NRG1: variants seen among roughly 807,000 people sequenced by gnomAD.
The protein encoded by NRG1 is pro-neuregulin-1, membrane-bound isoform.
NRG1 carries 18 observed loss-of-function variants against 63.8 expected under a neutral mutation model. That is an observed-to-expected ratio of 0.28 (90% CI 0.19 to 0.42). The LOEUF (loss-of-function observed/expected upper bound fraction) is 0.42, where lower values mean the gene tolerates loss of function less well. NRG1 is among the 10% of genes least tolerant of loss of function. The pLI is 1.00. For missense variants in NRG1, 762 were observed against 814.7 expected, an observed-to-expected ratio of 0.94 and a Z score of 0.79; for synonymous variants, 302 against 301.3, an observed-to-expected ratio of 1.00 and a Z score of -0.02.
At chr8:31,894,100 A>G (rs1329245430) in intron 1 of NRG1, among the ~76,000 whole-genome samples, 1 of 152,180 alleles carries the variant, frequency 6.6e-6, no homozygotes, top group African/African-American at 2.4e-5. Context: ...AGATTCTGAT[A>G]TAGATAAACA....
intron 1 of NRG1, among the ~76,000 whole-genome samples, chr8:32,473,317 T>C (rs1824079957): frequency 6.6e-6 from 1 of 152,340 alleles, no homozygotes; most frequent in South Asian, 2.1e-4. Flanking sequence ...AGAACTGGAA[T>C]TGACTTCAGA....
intron 1 of NRG1, among the ~76,000 whole-genome samples, chr8:32,454,300 T>G (rs1054437462): frequency 6.6e-6 from 1 of 152,212 alleles, no homozygotes; most frequent in Non-Finnish European, 1.5e-5. Flanking sequence ...AGCTATGAAT[T>G]TCATTTCAAG....
rs11311144 is a variant in NRG1 at position 32,203,188 on chromosome 8, C to CT, written c.38-392615dup. On this transcript the variant is annotated intron_variant, in intron 1 of 10. Coordinates refer to the NRG1 transcript ENST00000519301. ...TCTTGGGGAACTTTAAGCAAGCCAG[C>CT]TTTTTTTTTTTTTTTTTTTTTTTTT... Among the ~76,000 whole-genome samples, 119 of 61,478 alleles carry CT rather than the reference C, an allele frequency of 1.9e-3. 1 individual carries two copies. The highest frequency in any genetic ancestry group is 0.011 in the Middle Eastern group (1 of 90). 40.3% of individuals were successfully genotyped at this position (61,478 alleles called of 152,430 possible).
intron 1 of NRG1, among the ~76,000 whole-genome samples, chr8:32,414,938 G>A (rs760335572): frequency 1.6e-4 from 24 of 152,056 alleles, no homozygotes; most frequent in Admixed American, 2.6e-4. Flanking sequence ...TGTACAGTGC[G>A]AAAAACAGCG....
intron 1 of NRG1, among the ~76,000 whole-genome samples, chr8:32,357,427 C>T (rs1806585386): frequency 6.6e-6 from 1 of 152,172 alleles, no homozygotes; most frequent in Non-Finnish European, 1.5e-5. Flanking sequence ...TAAGAATATA[C>T]ATAATATATC....
intron 1 of NRG1, among the ~76,000 whole-genome samples, chr8:32,345,096 T>C (rs1414325097): frequency 6.6e-6 from 1 of 152,196 alleles, no homozygotes; most frequent in Non-Finnish European, 1.5e-5. Flanking sequence ...TCATTTCTGC[T>C]GACATCTATG....
chr8:32,299,281 G>A (rs78345080), intron 1 of NRG1, among the ~76,000 whole-genome samples: 16,417 of 152,046 alleles, frequency 0.11, 1,142 homozygotes, highest in Non-Finnish European at 0.15. Flanking sequence ...AAAACAGAAA[G>A]CAAAAACATG....
At chr8:31,892,987 T>C (rs556250751) in intron 1 of NRG1, among the ~76,000 whole-genome samples, 2 of 152,058 alleles carry the variant, frequency 1.3e-5, no homozygotes, top group East Asian at 1.9e-4. Context: ...CTTTTCAAAA[T>C]GTAGTCTAAA....
intron 1 of NRG1, among the ~76,000 whole-genome samples, chr8:31,653,110 A>G (rs1269317859): frequency 6.7e-6 from 1 of 149,696 alleles, no homozygotes; most frequent in East Asian, 2.0e-4. Flanking sequence ...CTATGTAGCT[A>G]AACGTTAACA....
chr8:31,996,780 T>C (rs1041159896), intron 1 of NRG1, among the ~76,000 whole-genome samples: 1 of 151,816 alleles, frequency 6.6e-6, no homozygotes, highest in Non-Finnish European at 1.5e-5. Context: ...AAATGAAAAA[T>C]ATATATCTTT....
intron 1 of NRG1, among the ~76,000 whole-genome samples, chr8:32,145,702 A>G (rs1320855485): frequency 6.6e-6 from 1 of 152,230 alleles, no homozygotes; most frequent in Non-Finnish European, 1.5e-5. Context: ...GAATCCTATG[A>G]CTTTTAGATG....
intron 1 of NRG1, among the ~76,000 whole-genome samples, chr8:32,362,917 G>A (rs1220035742): frequency 3.3e-5 from 5 of 152,130 alleles, no homozygotes. Flanking sequence ...TCCAGACAAG[G>A]AAGGAATTAC....
At position 31,922,215 on chromosome 8, in the gene NRG1, T is replaced by G. The variant is rs1052246189; in HGVS notation, c.37+282784T>G. Among the ~76,000 whole-genome samples, 12 of 152,310 alleles carry G rather than the reference T, an allele frequency of 7.9e-5. No homozygotes were observed. In the East Asian group the frequency reaches 1.4e-3, roughly 17 times the overall value. ...ATAACCACCTTGTTATCGCATTAGT[T>G]GTTTTCATGGTGGCTGTGGTGGTCA... On this transcript the variant is annotated intron_variant, in intron 1 of 10. Transcript: ENST00000519301.
At position 32,712,402 on chromosome 8, in the gene NRG1, T is replaced by C. The variant is rs796725818; in HGVS notation, c.503-15547T>C. Among the ~76,000 whole-genome samples the C allele has an allele frequency of 2.0e-5, 3 of 152,038 alleles. 1 individual carries two copies. In the South Asian group the frequency reaches 6.2e-4, roughly 32 times the overall value. ...TTTCTTTTTCCTTTAGTAAAAGGAG[T>C]TGTAAGTAAGGAGCAAGTGAAAAGT... On this transcript the variant is annotated intron_variant, in intron 5 of 11. Coordinates refer to ENST00000356819, the Ensembl canonical transcript of NRG1.
In NRG1 at chr8:32,650,172, A is replaced by T. The variant is rs542572888; in HGVS notation, c.502+33287A>T. 9.2e-5 allele frequency among the ~76,000 whole-genome samples: 14 copies of T among 152,292 alleles called. No homozygotes were observed. In the South Asian group the frequency reaches 2.9e-3, roughly 32 times the overall value. ...TTTTGATAAATTATTTTATAAAGTA[A>T]ATTTTTCTACTAAGTGTTTTAGTAG... is the stretch of plus-strand genomic sequence containing the variant. On this transcript the variant is annotated intron_variant, in intron 5 of 11. Transcript: ENST00000356819.
chr8:31,932,880 T>C (rs1834979294), intron 1 of NRG1, among the ~76,000 whole-genome samples: 1 of 152,144 alleles, frequency 6.6e-6, no homozygotes, highest in Non-Finnish European at 1.5e-5. Context: ...GAATCACTTG[T>C]TTATGTGTAG....
downstream of NRG1, among the ~76,000 whole-genome samples, chr8:32,772,471 G>T (rs1308587610): frequency 6.6e-6 from 1 of 151,928 alleles, no homozygotes; most frequent in Non-Finnish European, 1.5e-5. Context: ...CATAACTCTA[G>T]CTCATCATAA....
chr8:32,223,195 A>G (rs1475850631), intron 1 of NRG1, among the ~76,000 whole-genome samples: 1 of 152,222 alleles, frequency 6.6e-6, no homozygotes, highest in East Asian at 1.9e-4. Flanking sequence ...TAGACAAGAT[A>G]TAAATAAAGA....
intron 1 of NRG1, among the ~76,000 whole-genome samples, chr8:32,419,773 A>G (rs771552291): frequency 6.6e-6 from 1 of 152,206 alleles, no homozygotes; most frequent in Non-Finnish European, 1.5e-5. Context: ...AATAACTAGT[A>G]CAACATAACG....
Sources: gnomAD v4.1 joint callset for allele counts (sites outside exome capture counted in the v4.1 genomes callset) on GRCh38, gnomAD v4.1.1 for gene constraint, MANE v1.5 for transcripts, NCBI Gene and HGNC (gene_info 2026-07-23, HGNC 2026-07-21) for gene names.